Variants in GALNT7 observed in about 807,000 individuals in gnomAD.
GALNT7 encodes the protein N-acetylgalactosaminyltransferase 7.
Under a neutral mutation model 82.1 loss-of-function variants are expected in GALNT7, and 60 were observed. That is an observed-to-expected ratio of 0.73 (90% CI 0.59 to 0.91). The LOEUF (loss-of-function observed/expected upper bound fraction) is 0.91, where lower values mean the gene tolerates loss of function less well. Among genes scored for constraint, GALNT7 ranks in the 40% least tolerant of loss-of-function variants. The pLI, the probability that GALNT7 is intolerant of heterozygous loss-of-function variation, is 0.00. For synonymous variants in GALNT7, 243 were observed against 275.1 expected (o/e 0.88, Z 1.15); for missense variants, 660 against 804.2 (o/e 0.82, Z 2.17).
chr4:173,287,189 G>A (rs1388407020), intron 2 of GALNT7, among the ~76,000 whole-genome samples: 1 of 152,342 alleles, frequency 6.6e-6, no homozygotes, highest in East Asian at 1.9e-4. Context: ...GCTTGGAAGA[G>A]TTAATAGGTT....
chr4:173,286,312 A>ATCCC (rs1388714809), intron 2 of GALNT7, among the ~76,000 whole-genome samples: 2 of 152,190 alleles, frequency 1.3e-5, no homozygotes, highest in Non-Finnish European at 2.9e-5. Flanking sequence ...TGGACCACAG[A>ATCCC]TCCCTCCAGT....
At position 173,248,198 on chromosome 4, in the gene GALNT7, T is replaced by A. The variant is rs371204809; in HGVS notation, c.345T>A (p.Phe115Leu). Residue 115 changes from phenylalanine to leucine, a missense_variant, in exon 2 of 12, where the codon TTT becomes TTA. By Grantham distance (22) the Phe-to-Leu change is conservative. Coordinates refer to ENST00000265000, the MANE Select transcript of GALNT7 (RefSeq NM_017423.3). ...TCATGCAGAGGCAGTATCTCACATTTAAGCCTCAGACATTCACCTACCATG... is the reference window on the plus strand; with the variant it reads ...TCATGCAGAGGCAGTATCTCACATTAAAGCCTCAGACATTCACCTACCATG... ...KDIMQRQYLT[F>L]KPQTFTYHDP... 1 of 1,613,666 alleles carries A rather than the reference T, an allele frequency of 6.2e-7. No homozygotes were observed. Among genetic ancestry groups the A allele is most frequent in the East Asian group, 2.2e-5 (1 of 44,888 alleles).
chr4:173,295,937 T>G, intron 5 of GALNT7, 94 bp downstream of exon 5: 1 of 779,370 alleles, frequency 1.3e-6, no homozygotes, highest in South Asian at 1.4e-5. Flanking sequence ...CCAGCTCCAT[T>G]CAGTGCATCG....
chr4:173,188,338 A>C (rs1732519595), intron 1 of GALNT7, among the ~76,000 whole-genome samples: 1 of 152,194 alleles, frequency 6.6e-6, no homozygotes, highest in Admixed American at 6.5e-5. Context: ...ACCAAGTAGC[A>C]CTTTCTGAAC....
At chr4:173,276,786 G>A (rs1271131318) in intron 2 of GALNT7, among the ~76,000 whole-genome samples, 1 of 152,178 alleles carries the variant, frequency 6.6e-6, no homozygotes, top group Non-Finnish European at 1.5e-5. Flanking sequence ...TGCAGGCAGA[G>A]TTTCCAGTGA....
At chr4:173,289,503 CTT>C (rs1187317327) in intron 2 of GALNT7, among the ~76,000 whole-genome samples, 1 of 152,214 alleles carries the variant, frequency 6.6e-6, no homozygotes, top group Admixed American at 6.5e-5. Flanking sequence ...GTAAGAAACT[CTT>C]CTCATCTCTG....
chr4:173,258,368 C>A (rs1459023641), intron 2 of GALNT7, among the ~76,000 whole-genome samples: 1 of 152,188 alleles, frequency 6.6e-6, no homozygotes, highest in African/African-American at 2.4e-5. Flanking sequence ...GGGTTCAGCC[C>A]TAGTGTACTT....
chr4:173,217,009 GTGTGA>G (rs1733493486), intron 1 of GALNT7, among the ~76,000 whole-genome samples: 1 of 151,814 alleles, frequency 6.6e-6, no homozygotes, highest in Non-Finnish European at 1.5e-5. Flanking sequence ...GGGATTACAG[GTGTGA>G]GCCACCATGC....
intron 2 of GALNT7, among the ~76,000 whole-genome samples, chr4:173,255,278 C>T (rs980122532): frequency 1.3e-5 from 2 of 152,154 alleles, no homozygotes; most frequent in Non-Finnish European, 2.9e-5. Context: ...TTGGTGGAAA[C>T]GTCCTTCTGC....
intron 2 of GALNT7, among the ~76,000 whole-genome samples, chr4:173,288,367 T>C (rs1736416019): frequency 6.6e-6 from 1 of 151,470 alleles, no homozygotes; most frequent in Non-Finnish European, 1.5e-5. Context: ...CTTTGATATT[T>C]ACAGATGGGT....
intron 2 of GALNT7, among the ~76,000 whole-genome samples, chr4:173,277,468 G>A (rs1222753646): frequency 6.6e-6 from 1 of 152,182 alleles, no homozygotes; most frequent in African/African-American, 2.4e-5. Flanking sequence ...AGTTCCAGAA[G>A]CTCAGAGTTT....
rs547599182 is a variant in GALNT7, at chr4:173,320,694, T to G, written c.1837-886T>G. 3.3e-5 allele frequency among the ~76,000 whole-genome samples: 5 copies of G among 152,298 alleles called. No homozygotes were observed. Among genetic ancestry groups the G allele is most frequent in the Non-Finnish European group, 7.4e-5 (5 of 68,000 alleles). On this transcript the variant is annotated intron_variant, in intron 11 of 11. Coordinates refer to ENST00000265000, the MANE Select transcript of GALNT7 (RefSeq NM_017423.3). The surrounding 1 kb of genome is among the most constrained non-coding windows in gnomAD (Gnocchi z 4.1). ...ACTTAATAATTAAGTGGTAGTTTCTTAAAAGTTATTTCCAGTGTAGACTGA... is the reference window on the plus strand; with the variant it reads ...ACTTAATAATTAAGTGGTAGTTTCTGAAAAGTTATTTCCAGTGTAGACTGA...
intron 2 of GALNT7, among the ~76,000 whole-genome samples, chr4:173,288,301 A>AAAAAG (rs1561190782): frequency 2.5e-4 from 37 of 148,308 alleles, no homozygotes; most frequent in African/African-American, 8.3e-4. Flanking sequence ...AAAAAAAAAA[A>AAAAAG]AAAAGAAAAG....
intron 1 of GALNT7, among the ~76,000 whole-genome samples, chr4:173,199,310 G>T (rs1005785991): frequency 6.6e-6 from 1 of 152,112 alleles, no homozygotes; most frequent in Non-Finnish European, 1.5e-5. Context: ...TCAGGTCCTA[G>T]ATCCGCCACT....
Position 173,244,499 on chromosome 4 carries a change from G to C in GALNT7, c.127-3481G>C, listed in dbSNP as rs185519332. ...CATAGTAGTTAAGAGTGTAGATCCT[G>C]AGCCAGACTATTTGGATTGAAATTT... On this transcript the variant is annotated intron_variant, in intron 1 of 11. Transcript: ENST00000265000. Among the ~76,000 whole-genome samples, 164 of 151,378 alleles carry C rather than the reference G, an allele frequency of 1.1e-3. 2 individuals carry two copies. Among genetic ancestry groups the C allele is most frequent in the Non-Finnish European group, 1.7e-3 (117 of 67,734 alleles).
intron 2 of GALNT7, among the ~76,000 whole-genome samples, chr4:173,258,948 T>C (rs1333218710): frequency 6.6e-6 from 1 of 152,200 alleles, no homozygotes; most frequent in Non-Finnish European, 1.5e-5. Context: ...GCACTTGACA[T>C]TTGGGCCAGA....
intron 1 of GALNT7, among the ~76,000 whole-genome samples, chr4:173,209,826 G>A (rs1390980925): frequency 6.6e-6 from 1 of 152,186 alleles, no homozygotes; most frequent in Non-Finnish European, 1.5e-5. Flanking sequence ...GCAGAATTAG[G>A]CACCTAGCAA....
At chr4:173,215,677 T>A (rs568732325) in intron 1 of GALNT7, among the ~76,000 whole-genome samples, 6 of 152,224 alleles carry the variant, frequency 3.9e-5, no homozygotes, top group Non-Finnish European at 7.3e-5. Context: ...GCTCAAGGAA[T>A]CCTTTCAAGG....
At chr4:173,288,078 T>C (rs1042365242) in intron 2 of GALNT7, among the ~76,000 whole-genome samples, 7 of 151,372 alleles carry the variant, frequency 4.6e-5, no homozygotes, top group African/African-American at 1.5e-4. Flanking sequence ...GGTCAGGAGA[T>C]CGAGACCATC....
Sources: gnomAD v4.1 joint callset for allele counts (sites outside exome capture counted in the v4.1 genomes callset) on GRCh38, gnomAD v4.1.1 for gene constraint, Gnocchi (gnomAD v3.1) non-coding constraint, MANE v1.5 for transcripts, NCBI Gene and HGNC (gene_info 2026-07-23, HGNC 2026-07-21) for gene names.